The following GRIK4 variants were observed in gnomAD, a reference collection of about 807,000 sequenced individuals.
The protein encoded by GRIK4 is glutamate receptor ionotropic, kainate 4.
GRIK4 carries 40 observed loss-of-function variants against 104.9 expected under a neutral mutation model. That is an observed-to-expected ratio of 0.38 (90% CI 0.30 to 0.50). GRIK4 has a LOEUF of 0.50. GRIK4 is among the 20% of genes least tolerant of loss of function. The pLI, the probability that GRIK4 is intolerant of heterozygous loss-of-function variation, is 0.93. For synonymous variants in GRIK4, 485 were observed against 524.9 expected (o/e 0.92, Z 1.04); for missense variants, 1,047 against 1,308.1 (o/e 0.80, Z 3.08).
intron 3 of GRIK4, among the ~76,000 whole-genome samples, chr11:120,786,363 A>T (rs1049765565): frequency 3.3e-5 from 5 of 152,234 alleles, no homozygotes; most frequent in Non-Finnish European, 5.9e-5. Flanking sequence ...TCTTCTGCGT[A>T]TCCTGGTATC....
chr11:120,859,414 G>A (rs533805420), intron 8 of GRIK4: 1 of 152,216 alleles, frequency 6.6e-6, no homozygotes, highest in South Asian at 2.1e-4. Context: ...GAACACCAAA[G>A]CCTGAATCCA....
chr11:120,789,387 TC>T (rs1414369978), intron 3 of GRIK4, among the ~76,000 whole-genome samples: 1 of 152,098 alleles, frequency 6.6e-6, no homozygotes, highest in Non-Finnish European at 1.5e-5. Context: ...TCTTACCTCA[TC>T]CCAACCCCCA....
intron 3 of GRIK4, among the ~76,000 whole-genome samples, chr11:120,716,186 G>A (rs1190740316): frequency 7.1e-6 from 1 of 140,596 alleles, no homozygotes; most frequent in Non-Finnish European, 1.5e-5. Flanking sequence ...TTGATTTGCA[G>A]AAGTCCAGAC....
intron 3 of GRIK4, among the ~76,000 whole-genome samples, chr11:120,747,559 A>T (rs912293977): frequency 1.3e-5 from 2 of 152,222 alleles, no homozygotes. Flanking sequence ...AAGCTTAGAC[A>T]GATAGCTAGG....
chr11:120,520,243 G>A (rs1486436636), intron 1 of GRIK4, among the ~76,000 whole-genome samples: 3 of 152,176 alleles, frequency 2.0e-5, no homozygotes, highest in East Asian at 1.9e-4. Context: ...AGGCAAGGAG[G>A]CCAATGCTCA....
intron 6 of GRIK4, among the ~76,000 whole-genome samples, chr11:120,830,717 G>T (rs1953404157): frequency 2.0e-5 from 3 of 152,162 alleles, no homozygotes; most frequent in Admixed American, 2.0e-4. Context: ...CATGAGATAA[G>T]CCATGTAAAA....
intron 13 of GRIK4, among the ~76,000 whole-genome samples, chr11:120,908,006 G>A (rs190848559): frequency 1.3e-5 from 2 of 152,232 alleles, no homozygotes; most frequent in Admixed American, 1.3e-4. Context: ...TCCCTTCTTT[G>A]TGACCCCTTT....
At chr11:120,978,975 C>T (rs527862407) in intron 19 of GRIK4, among the ~76,000 whole-genome samples, 78 of 152,234 alleles carry the variant, frequency 5.1e-4, no homozygotes, top group Non-Finnish European at 1.0e-3. Flanking sequence ...GTGACCACAG[C>T]GAGGGTGGTT....
intron 1 of GRIK4, among the ~76,000 whole-genome samples, chr11:120,647,256 TC>T (rs1014479164): frequency 3.8e-4 from 58 of 152,322 alleles, no homozygotes; most frequent in African/African-American, 1.4e-3. Flanking sequence ...GCTCTGATGT[TC>T]CAGTGGAATC....
At chr11:120,787,655 G>A (rs993006131) in intron 3 of GRIK4, among the ~76,000 whole-genome samples, 7 of 150,924 alleles carry the variant, frequency 4.6e-5, no homozygotes, top group Non-Finnish European at 1.0e-4. Context: ...TGGAGATGGG[G>A]TTTCACTATG....
intron 4 of GRIK4, among the ~76,000 whole-genome samples, chr11:120,806,151 G>A (rs1952707441): frequency 6.6e-6 from 1 of 152,130 alleles, no homozygotes; most frequent in Non-Finnish European, 1.5e-5. Context: ...GGCTTTTGTT[G>A]TTGGCTTCAT....
At chr11:120,677,980 G>A (rs1950128206) in intron 3 of GRIK4, among the ~76,000 whole-genome samples, 1 of 152,204 alleles carries the variant, frequency 6.6e-6, no homozygotes, top group Non-Finnish European at 1.5e-5. Flanking sequence ...GAGGTGTGGA[G>A]GGACCAAGGT....
intron 1 of GRIK4, among the ~76,000 whole-genome samples, chr11:120,528,567 A>G (rs1164854845): frequency 2.0e-5 from 3 of 152,208 alleles, no homozygotes; most frequent in Admixed American, 6.5e-5. Flanking sequence ...CATGCTGCTG[A>G]TAAAGACATA....
At chr11:120,826,665 C>T (rs994907308) in intron 6 of GRIK4, among the ~76,000 whole-genome samples, 4 of 152,172 alleles carry the variant, frequency 2.6e-5, no homozygotes, top group East Asian at 1.9e-4. Context: ...GGGACAGCCT[C>T]GATGGCCAAA....
rs143343608 is a variant in GRIK4, at chr11:120,586,214, G to C, written c.-158-67471G>C. ...AAGAGCCTTAGGGGAGGTCATGTGA[G>C]TGGGTCTTGAAGGATGAAGAGGAGT... On this transcript the variant is annotated intron_variant, in intron 1 of 20. Coordinates refer to ENST00000527524, the MANE Select transcript of GRIK4 (RefSeq NM_014619.5). Among the ~76,000 whole-genome samples, 147 of 152,258 alleles carry C rather than the reference G, an allele frequency of 9.7e-4. 1 individual carries two copies. The East Asian group carries it at 0.024, about 24-fold the overall frequency.
intron 3 of GRIK4, among the ~76,000 whole-genome samples, chr11:120,671,629 C>A (rs199899809): frequency 6.6e-6 from 1 of 152,092 alleles, no homozygotes; most frequent in Non-Finnish European, 1.5e-5. Context: ...TGGATATTAG[C>A]CCTTGTCAGA....
intron 3 of GRIK4, among the ~76,000 whole-genome samples, chr11:120,738,764 C>A (rs543374247): frequency 1.3e-5 from 2 of 152,294 alleles, no homozygotes; most frequent in Non-Finnish European, 2.9e-5. Context: ...CCCATCACCA[C>A]CTGCCTTGGC....
At chr11:120,634,917 A>T (rs965277724) in intron 1 of GRIK4, among the ~76,000 whole-genome samples, 2 of 152,162 alleles carry the variant, frequency 1.3e-5, no homozygotes, top group Non-Finnish European at 2.9e-5. Flanking sequence ...CTCTAGGGAA[A>T]GCGAGATGCG....
rs1320671237 is a variant in GRIK4 at position 120,960,925 on chromosome 11, A to T, written c.1891A>T (p.Ile631Phe). ...VSGVWWAFTLIIISSYTANLA... is the reference protein window; with the variant it reads ...VSGVWWAFTLFIISSYTANLA... ...CCTACATAGGTGGGCATTCACGCTGATCATCATCTCATCCTACACGGCCAA... is the reference window on the plus strand; with the variant it reads ...CCTACATAGGTGGGCATTCACGCTGTTCATCATCTCATCCTACACGGCCAA... Residue 631 changes from isoleucine (I) to phenylalanine (F), a missense_variant, in exon 17 of 21, where the codon ATC becomes TTC. Transcript: ENST00000527524. The T allele has an allele frequency of 6.2e-7, 1 of 1,613,698 alleles. No individual in the cohort carries two copies. Among genetic ancestry groups the T allele is most frequent in the East Asian group, 2.2e-5 (1 of 44,856 alleles).
Sources: gnomAD v4.1 joint callset for allele counts (sites outside exome capture counted in the v4.1 genomes callset) on GRCh38, gnomAD v4.1.1 for gene constraint, MANE v1.5 for transcripts, NCBI Gene and HGNC (gene_info 2026-07-23, HGNC 2026-07-21) for gene names.